WDR35: variants seen among roughly 807,000 people sequenced by gnomAD.
WDR35 encodes the protein WD repeat-containing protein 35.
A neutral mutation model predicts 158.3 loss-of-function variants in WDR35; 118 were observed. That is an observed-to-expected ratio of 0.75 (90% confidence interval 0.64 to 0.87). The LOEUF (loss-of-function observed/expected upper bound fraction) is 0.87. Among genes scored for constraint, WDR35 ranks in the 40% least tolerant of loss-of-function variants. WDR35 has a pLI of 0.00. For missense variants in WDR35, 1,263 were observed against 1,405.8 expected (o/e 0.90, Z 1.62); for synonymous variants, 448 against 476.1 (o/e 0.94, Z 0.77).
chr2:19,961,590 T>C (rs571594496), intron 10 of WDR35, among the ~76,000 whole-genome samples: 55 of 152,314 alleles, frequency 3.6e-4, no homozygotes, highest in African/African-American at 1.3e-3. Context: ...GCTTTGCCTG[T>C]ATGATCCTGA....
chr2:19,978,228 CGAGA>C (rs979984113), intron 5 of WDR35, among the ~76,000 whole-genome samples: 55 of 150,700 alleles, frequency 3.6e-4, no homozygotes, highest in South Asian at 1.5e-3. Flanking sequence ...ACAGAGCGAG[CGAGA>C]GAGAGAAATA....
In WDR35 at chr2:19,990,026, C is replaced by A. The variant is rs1167012984; in HGVS notation, c.-11G>T. 6.2e-7 allele frequency: 1 copy of A among 1,613,706 alleles called. No homozygotes were observed. ...CAGGTAGAAGAACATCGTGGGATCC[C>A]CGAGAGGGTCACGGCGGCCGCTAAG... On this transcript the variant is annotated 5_prime_UTR_variant, in exon 1 of 27. Transcript: ENST00000281405.
At position 19,922,390 on chromosome 2, in the gene WDR35, T is replaced by C. The variant is rs547731028; in HGVS notation, c.3121+8006A>G. ...TACACCAGGGAATACTATGCAGCCA[T>C]AAAAAAGGATGCATTCATGTCCTTT... On this transcript the variant is annotated intron_variant, in intron 25 of 26. Coordinates refer to ENST00000281405, the MANE Select transcript of WDR35 (RefSeq NM_020779.4). Among the ~76,000 whole-genome samples the C allele has an allele frequency of 1.4e-3, 217 of 152,134 alleles. 2 individuals are homozygous for C. Among genetic ancestry groups the C allele is most frequent in the African/African-American group, 4.9e-3 (204 of 41,494 alleles).
intron 14 of WDR35, among the ~76,000 whole-genome samples, chr2:19,947,687 G>A (rs769882955): frequency 1.3e-5 from 2 of 151,766 alleles, no homozygotes; most frequent in African/African-American, 2.4e-5. Context: ...ATAAAATATC[G>A]GGCTACACAA....
Position 19,910,441 on chromosome 2 carries a change from A to T in WDR35, c.*3117T>A, listed in dbSNP as rs2103373910. 1 of 152,354 alleles carries T rather than the reference A, an allele frequency of 6.6e-6. No homozygotes were observed. Among genetic ancestry groups the T allele is most frequent in the East Asian group, 1.9e-4 (1 of 5,192 alleles). 9.4% of individuals were successfully genotyped at this position (152,354 alleles called of 1,614,324 possible). ...AACATTACTGTGTTGCTTGTTAGGC[A>T]CACTGCTTATTTGTACAGCTTTATC... On this transcript the variant is annotated 3_prime_UTR_variant, in exon 27 of 27. Transcript: ENST00000281405.
In WDR35 at chr2:19,938,335, C is replaced by G; in HGVS notation, c.1993G>C (p.Ala665Pro). The change falls in exon 18 of 27, where the codon GCA becomes CCA. Residue 665 changes from alanine to proline, a missense_variant. By Grantham distance (27) the Ala-to-Pro change is conservative (BLOSUM62 -1). Coordinates refer to ENST00000281405, the MANE Select transcript of WDR35 (RefSeq NM_020779.4). ...TTAATTCCAACCTTCTCAATCAGTG[C>G]TCGGCTATCTCGCAGAGACCGAATC... ...FEIRSLRDSR[A>P]LIEKVGIKDA... 6.2e-7 allele frequency: 1 copy of G among 1,613,980 alleles called. No homozygotes were observed. Among genetic ancestry groups the G allele is most frequent in the Non-Finnish European group, 8.5e-7 (1 of 1,179,974 alleles).
At chr2:19,932,178 C>T (rs903847195) in intron 23 of WDR35, 105 bp downstream of exon 23, 3 of 1,441,952 alleles carry the variant, frequency 2.1e-6, no homozygotes, top group Non-Finnish European at 2.9e-6. Context: ...AGTGGTTTTG[C>T]TGTAATAAAT....
chr2:19,989,103 C>A lies in WDR35; in HGVS notation c.142+62G>T, dbSNP rs1672661348. The A allele has an allele frequency of 2.9e-6, 4 of 1,379,866 alleles. No homozygotes were observed. The Middle Eastern group carries it at 5.3e-4, about 184-fold the overall frequency. The allele number at this position is 1,379,866 out of a possible 1,614,324, so 85.5% of individuals were successfully genotyped here. A position where few individuals can be genotyped will look rare whatever the true frequency, so the allele number is the denominator to read the frequency against. On this transcript the variant is annotated intron_variant, in intron 2 of 26. Coordinates refer to ENST00000281405, the MANE Select transcript of WDR35 (RefSeq NM_020779.4). ...CATATTGACAGATAACATGAGTAGA[C>A]CGCACTGAACAAATAACATTAGCCA...
Position 19,945,997 on chromosome 2 carries a change from C to G in WDR35, c.1635-1G>C. On this transcript the variant is annotated splice_acceptor_variant, in intron 15 of 26. Transcript: ENST00000281405. LOFTEE classifies it high-confidence loss of function. Reference sequence around the variant, plus strand: ...TGAGATGTCTATGATAGCAAGACGGCTAAAAACAATGCAATTAGAGAAAAG... The same window carrying G: ...TGAGATGTCTATGATAGCAAGACGGGTAAAAACAATGCAATTAGAGAAAAG... 6.2e-7 allele frequency: 1 copy of G among 1,613,316 alleles called. No homozygotes were observed. The highest frequency in any genetic ancestry group is 1.1e-5 in the South Asian group (1 of 90,962).
rs991278891 is a variant in WDR35, at chr2:19,911,831, C to T, written c.*1727G>A. The T allele has an allele frequency of 6.6e-6, 1 of 152,170 alleles. No homozygotes were observed. Among genetic ancestry groups the T allele is most frequent in the Admixed American group, 6.5e-5 (1 of 15,270 alleles). The allele number at this position is 152,170 out of a possible 1,614,324, so 9.4% of individuals were successfully genotyped here. On this transcript the variant is annotated 3_prime_UTR_variant, in exon 27 of 27. Transcript: ENST00000281405. ...ATGTGTGAGAAGTTGATTCAATTAC[C>T]CACTGGTGACACTCATTCTGGCCTG...
chr2:19,943,247 C>T (rs947586249), intron 16 of WDR35, among the ~76,000 whole-genome samples: 4 of 152,110 alleles, frequency 2.6e-5, no homozygotes, highest in African/African-American at 4.8e-5. Flanking sequence ...ATTCTTGTAT[C>T]AGTCACATTA....
intron 10 of WDR35, among the ~76,000 whole-genome samples, chr2:19,964,436 T>C (rs1671776747): frequency 6.9e-6 from 1 of 144,988 alleles, no homozygotes; most frequent in Non-Finnish European, 1.5e-5. Flanking sequence ...CAGGCTGGAG[T>C]GCAGTGGCGT....
chr2:19,914,262 T>A lies in WDR35; in HGVS notation c.3137A>T (p.Asp1046Val), dbSNP rs201513877. The A allele has an allele frequency of 6.2e-7, 1 of 1,614,192 alleles. No individual in the cohort carries two copies. The highest frequency in any genetic ancestry group is 2.2e-5 in the East Asian group (1 of 44,888). Residue 1046 changes from aspartate to valine, a missense_variant, in exon 26 of 27, where the codon GAC (aspartate) becomes GTC (valine). Physicochemically the swap from Asp to Val is radical, Grantham distance 152. Coordinates refer to ENST00000281405, the MANE Select transcript of WDR35 (RefSeq NM_020779.4). ...TALKTALHLKDYEDIIPPVEI... is the reference protein window; with the variant it reads ...TALKTALHLKVYEDIIPPVEI... ...CACAGGAGGGATGATGTCTTCATAG[T>A]CTTTCAGGTGAAGAGCTAAGAAAAA...
intron 11 of WDR35, among the ~76,000 whole-genome samples, chr2:19,956,238 T>C (rs916328789): frequency 6.6e-6 from 1 of 152,252 alleles, no homozygotes; most frequent in African/African-American, 2.4e-5. Context: ...TAATAAAATC[T>C]CATTTTTTCC....
intron 25 of WDR35, among the ~76,000 whole-genome samples, chr2:19,919,203 AC>A (rs1275528298): frequency 2.6e-5 from 4 of 151,726 alleles, no homozygotes; most frequent in African/African-American, 9.7e-5. Context: ...ACATGGTAAA[AC>A]CCCATCTCTA....
chr2:19,939,838 G>C (rs1670812739), intron 17 of WDR35, among the ~76,000 whole-genome samples: 1 of 151,788 alleles, frequency 6.6e-6, no homozygotes, highest in Non-Finnish European at 1.5e-5. Context: ...CTCTGTATCA[G>C]ATCCTTGCTA....
rs1271119877 is a variant in WDR35 at position 19,973,575 on chromosome 2, A to G, written c.870T>C (p.Thr290=). ...DKDVNIVQFY[T]PFGEHLGTLK... ...TGAATGCATTTACCTCACCAAACGG[A>G]GTGTAAAACTGCACAATGTTCACAT... Residue 290 remains threonine (T), a synonymous_variant, in exon 8 of 27, where the codon ACT becomes ACC. Coordinates refer to ENST00000281405, the MANE Select transcript of WDR35 (RefSeq NM_020779.4). 2 of 1,614,056 alleles carry G rather than the reference A, an allele frequency of 1.2e-6. No homozygotes were observed. The highest frequency in any genetic ancestry group is 1.7e-6 in the Non-Finnish European group (2 of 1,180,032).
chr2:19,973,845 C>G, intron 7 of WDR35, 137 bp from the exon 8 acceptor site: 1 of 1,231,476 alleles, frequency 8.1e-7, no homozygotes, highest in Middle Eastern at 2.7e-4. Flanking sequence ...CAACGGCTCA[C>G]GCCTATAATC....
intron 25 of WDR35, among the ~76,000 whole-genome samples, chr2:19,915,966 G>A (rs1020814450): frequency 1.3e-5 from 2 of 149,174 alleles, no homozygotes; most frequent in African/African-American, 2.5e-5. Flanking sequence ...CAAGATGGAC[G>A]AATAGGAACA....
Sources: allele counts gnomAD v4.1 joint callset (sites outside exome capture counted in the v4.1 genomes callset), GRCh38; gene constraint gnomAD v4.1.1; transcripts MANE v1.5; gene names NCBI Gene and HGNC (gene_info 2026-07-23, HGNC 2026-07-21).